Variants in CNTN4 observed in about 807,000 individuals in gnomAD.
CNTN4 encodes contactin-4.
A neutral mutation model predicts 122.5 loss-of-function variants in CNTN4; 77 were observed. The observed-to-expected ratio is 0.63, with a 90% CI of 0.52 to 0.76. The LOEUF is 0.76. Ranked by LOEUF, CNTN4 falls within the 30% of genes least tolerant of loss-of-function variation. The pLI is 0.00. For missense variants in CNTN4, 1,256 were observed against 1,259.1 expected, an observed-to-expected ratio of 1.00 and a Z score of 0.04; for synonymous variants, 512 against 447.0, an observed-to-expected ratio of 1.15 and a Z score of -1.83.
intron 4 of CNTN4, among the ~76,000 whole-genome samples, chr3:2,679,759 C>G (rs1430284963): frequency 6.6e-6 from 1 of 152,172 alleles, no homozygotes; most frequent in Non-Finnish European, 1.5e-5. Flanking sequence ...TGGGTCACTT[C>G]TTCAGAGAAG....
chr3:2,917,184 G>C (rs1019626828), intron 12 of CNTN4, among the ~76,000 whole-genome samples: 3 of 150,220 alleles, frequency 2.0e-5, no homozygotes, highest in East Asian at 4.0e-4. Flanking sequence ...GCCTGCAATC[G>C]CAGGCAGTCG....
chr3:2,300,791 C>G (rs544334739), intron 2 of CNTN4, among the ~76,000 whole-genome samples: 5 of 151,774 alleles, frequency 3.3e-5, no homozygotes, highest in Admixed American at 6.6e-5. Context: ...GGATGGTCTC[C>G]ATCAACAGAC....
chr3:2,268,249 C>G (rs1265906261), intron 2 of CNTN4, among the ~76,000 whole-genome samples: 1 of 151,998 alleles, frequency 6.6e-6, no homozygotes, highest in Non-Finnish European at 1.5e-5. Flanking sequence ...CCCTTTCTTT[C>G]CATTCTCATG....
At chr3:2,632,784 G>A (rs1371610123) in intron 4 of CNTN4, among the ~76,000 whole-genome samples, 1 of 152,036 alleles carries the variant, frequency 6.6e-6, no homozygotes, top group Non-Finnish European at 1.5e-5. Context: ...TGTCATCACT[G>A]TCTTTGTGTT....
At chr3:2,461,961 C>A (rs139092805) in intron 3 of CNTN4, among the ~76,000 whole-genome samples, 3 of 152,294 alleles carry the variant, frequency 2.0e-5, no homozygotes, top group Non-Finnish European at 2.9e-5. Context: ...AAGCTTTCTT[C>A]TCCCACTCCA....
chr3:2,874,269 A>G (rs552608565), intron 8 of CNTN4, among the ~76,000 whole-genome samples: 51 of 152,330 alleles, frequency 3.3e-4, no homozygotes, highest in African/African-American at 1.1e-3. Context: ...GTGGCACACT[A>G]TGAAATAAAA....
chr3:2,670,154 T>C (rs2084418391), intron 4 of CNTN4, among the ~76,000 whole-genome samples: 2 of 152,178 alleles, frequency 1.3e-5, no homozygotes, highest in South Asian at 4.1e-4. Flanking sequence ...CCTTGTTAAC[T>C]TTCTGTCTCA....
chr3:2,732,425 ATT>A (rs1217405058), intron 4 of CNTN4, among the ~76,000 whole-genome samples: 1 of 151,410 alleles, frequency 6.6e-6, no homozygotes, highest in African/African-American at 2.4e-5. Flanking sequence ...GTCCTCTGTC[ATT>A]TGCTGCGATG....
Position 2,426,667 on chromosome 3 carries a change from C to T in CNTN4, c.-89+87434C>T, listed in dbSNP as rs146430146. ...ATGGTACCAGCCCCTCTTTGTACCT[C>T]TGGTAGAATTCAGCTGTGAATCTGT... On this transcript the variant is annotated intron_variant, in intron 3 of 24. Coordinates refer to ENST00000418658, the MANE Select transcript of CNTN4 (RefSeq NM_175607.3). Among the ~76,000 whole-genome samples, 577 of 152,258 alleles carry T rather than the reference C, an allele frequency of 3.8e-3. 4 individuals are homozygous for T. The highest frequency in any genetic ancestry group is 0.013 in the African/African-American group (546 of 41,530).
intron 3 of CNTN4, among the ~76,000 whole-genome samples, chr3:2,562,077 C>G (rs34729686): frequency 9.2e-5 from 14 of 152,022 alleles, no homozygotes; most frequent in Admixed American, 2.0e-4. Context: ...GATGAAGTAT[C>G]TGAGGGGCAA....
intron 6 of CNTN4, among the ~76,000 whole-genome samples, chr3:2,786,253 C>T (rs2091823755): frequency 6.6e-6 from 1 of 152,290 alleles, no homozygotes; most frequent in South Asian, 2.1e-4. Context: ...AAGAGGCTGT[C>T]ACACTGACCC....
At chr3:2,279,959 G>A (rs1203221909) in intron 2 of CNTN4, among the ~76,000 whole-genome samples, 1 of 151,380 alleles carries the variant, frequency 6.6e-6, no homozygotes, top group African/African-American at 2.4e-5. Flanking sequence ...TATATATCTA[G>A]CTCTTATATA....
intron 6 of CNTN4, among the ~76,000 whole-genome samples, chr3:2,803,559 T>TTA: frequency 1.5e-5 from 1 of 68,606 alleles, no homozygotes; most frequent in Non-Finnish European, 3.8e-5. Flanking sequence ...TGGTAAATTC[T>TTA]TTTTTTTTTT....
At chr3:2,414,595 A>T (rs2047346589) in intron 3 of CNTN4, among the ~76,000 whole-genome samples, 1 of 152,112 alleles carries the variant, frequency 6.6e-6, no homozygotes, top group South Asian at 2.1e-4. Flanking sequence ...ATCAGAAACA[A>T]ATGAATATGA....
chr3:2,816,216 T>C (rs552150493), intron 6 of CNTN4, among the ~76,000 whole-genome samples: 3,286 of 146,720 alleles, frequency 0.022, 128 homozygotes, highest in African/African-American at 0.078. Context: ...TAGCCGGGCG[T>C]GGTGGCGGGC....
chr3:2,270,907 C>A (rs546785001), intron 2 of CNTN4, among the ~76,000 whole-genome samples: 7 of 152,110 alleles, frequency 4.6e-5, no homozygotes, highest in African/African-American at 1.7e-4. Flanking sequence ...AGTTCACAGG[C>A]GTGCAGGCTG....
intron 2 of CNTN4, among the ~76,000 whole-genome samples, chr3:2,215,648 C>T (rs1183598): frequency 3.3e-5 from 5 of 151,892 alleles, no homozygotes; most frequent in East Asian, 1.9e-4. Flanking sequence ...TTTGGGAGGC[C>T]GAGGCACGTG....
Position 3,049,239 on chromosome 3 carries a change from C to T in CNTN4, c.2812-4568C>T, listed in dbSNP as rs137927142. Among the ~76,000 whole-genome samples the T allele has an allele frequency of 4.1e-4, 63 of 152,216 alleles. No individual in the cohort carries two copies. In the East Asian group the frequency reaches 0.01, roughly 24 times the overall value. ...CTGAGACTACAGGCGCCCACCACCA[C>T]GACTGGCTGATTTTTGTATTTTTAG... On this transcript the variant is annotated intron_variant, in intron 23 of 24. Coordinates refer to ENST00000418658, the MANE Select transcript of CNTN4 (RefSeq NM_175607.3).
At chr3:2,218,298 G>T (rs770772316) in intron 2 of CNTN4, among the ~76,000 whole-genome samples, 3 of 152,200 alleles carry the variant, frequency 2.0e-5, no homozygotes, top group Admixed American at 1.3e-4. Context: ...TAAAATAATA[G>T]GATATATTTT....
Sources: allele counts gnomAD v4.1 joint callset (sites outside exome capture counted in the v4.1 genomes callset), GRCh38; gene constraint gnomAD v4.1.1; transcripts MANE v1.5; gene names NCBI Gene and HGNC (gene_info 2026-07-23, HGNC 2026-07-21).